The following HPSE variants were observed in gnomAD, a reference collection of about 807,000 sequenced individuals.
HPSE encodes the protein heparanase, also known as endo-glucoronidase.
HPSE carries 48 observed loss-of-function variants against 65.1 expected under a neutral mutation model. The observed-to-expected ratio is 0.74, with a 90% CI of 0.58 to 0.94. The LOEUF is 0.94. Ranked by LOEUF, HPSE falls within the 40% of genes least tolerant of loss-of-function variation. HPSE has a pLI of 0.00. For synonymous variants in HPSE, 243 were observed against 260.0 expected (o/e 0.93, Z 0.63); for missense variants, 644 against 637.5 (o/e 1.01, Z -0.11).
intron 1 of HPSE, among the ~76,000 whole-genome samples, chr4:83,325,877 CAGAGATAGA>C (rs1453797455): frequency 6.6e-6 from 1 of 152,058 alleles, no homozygotes; most frequent in Admixed American, 6.5e-5. Context: ...GTCCAAAGAC[CAGAGATAGA>C]AGAGAAGCTG....
At chr4:83,315,699 A>T (rs747126061) in intron 3 of HPSE, among the ~76,000 whole-genome samples, 1 of 152,222 alleles carries the variant, frequency 6.6e-6, no homozygotes, top group African/African-American at 2.4e-5. Context: ...ATATGGATCT[A>T]AAGTCCTGGG....
intron 7 of HPSE, 42 bp from the exon 8 acceptor site, chr4:83,308,993 G>T: frequency 6.5e-7 from 1 of 1,527,556 alleles, no homozygotes; most frequent in South Asian, 1.1e-5. Flanking sequence ...CAAAAAAGCT[G>T]ACCTGTGGTT....
In HPSE at chr4:83,322,294, C is replaced by T; in HGVS notation, c.298G>A (p.Asp100Asn). The change falls in exon 2 of 12, where the codon GAC becomes AAC. Residue 100 changes from aspartate (D) to asparagine (N), a missense_variant. Transcript: ENST00000311412. ...TTCTTGGGATCGAAAATTAGGAAGT[C>T]TGTCTTGGTGCCACCAAACCTCAGG... ...AYLRFGGTKT[D>N]FLIFDPKKES... The T allele has an allele frequency of 6.2e-7, 1 of 1,613,948 alleles. No homozygotes were observed. Among genetic ancestry groups the T allele is most frequent in the Non-Finnish European group, 8.5e-7 (1 of 1,179,864 alleles).
intron 4 of HPSE, among the ~76,000 whole-genome samples, chr4:83,311,902 T>A (rs1242093008): frequency 2.6e-5 from 4 of 152,184 alleles, no homozygotes; most frequent in African/African-American, 7.2e-5. Flanking sequence ...AAGCACTCTA[T>A]GTTTTGAATA....
chr4:83,319,448 A>T lies in HPSE; in HGVS notation c.395T>A (p.Ile132Asn). The T allele has an allele frequency of 6.2e-7, 1 of 1,612,748 alleles. No homozygotes were observed. Among genetic ancestry groups the T allele is most frequent in the Non-Finnish European group, 8.5e-7 (1 of 1,178,822 alleles). The change falls in exon 3 of 12, where the codon ATC becomes AAC. Residue 132 changes from isoleucine to asparagine, a missense_variant. Ile to Asn is a moderately radical substitution (Grantham distance 149). Coordinates refer to ENST00000311412, the MANE Select transcript of HPSE (RefSeq NM_001098540.3). ...TAACTTCTCCTCCACATCAGGAGGG[A>T]TGGATCCATATTTGCAAATATCTGC... Reference protein sequence around the residue: ...VNQDICKYGSIPPDVEEKLRL... With the variant: ...VNQDICKYGSNPPDVEEKLRL...
intron 3 of HPSE, among the ~76,000 whole-genome samples, chr4:83,318,330 A>T (rs1030338133): frequency 1.5e-4 from 23 of 152,116 alleles, no homozygotes; most frequent in African/African-American, 5.5e-4. Flanking sequence ...TTTCATAGTT[A>T]AAAAAGGATT....
At chr4:83,309,281 T>C (rs563802261) in intron 7 of HPSE, 121 bp downstream of exon 7, 2 of 635,208 alleles carry the variant, frequency 3.1e-6, no homozygotes, top group African/African-American at 1.9e-5. Context: ...GGATAAGTCA[T>C]AGTGCTTGTT....
chr4:83,319,695 G>A (rs995354749), intron 2 of HPSE, among the ~76,000 whole-genome samples: 1 of 152,030 alleles, frequency 6.6e-6, no homozygotes, highest in Non-Finnish European at 1.5e-5. Flanking sequence ...AAGAAATATT[G>A]AACATACACT....
Position 83,292,943 on chromosome 4 carries a change from G to A in HPSE, c.*2401C>T, listed in dbSNP as rs188176337. 2.0e-5 allele frequency: 3 copies of A among 152,258 alleles called. No homozygotes were observed. The East Asian group carries it at 5.8e-4, about 29-fold the overall frequency. The allele number at this position is 152,258 out of a possible 1,614,324, so 9.4% of individuals were successfully genotyped here. ...CACTCAGGTGACAAGTACATTAAAA[G>A]CCGAGTCTTCACCACTACACAATTC... On this transcript the variant is annotated 3_prime_UTR_variant, in exon 12 of 12. Coordinates refer to ENST00000311412, the MANE Select transcript of HPSE (RefSeq NM_001098540.3).
At chr4:83,329,692 G>A (rs1737291218) in intron 1 of HPSE, among the ~76,000 whole-genome samples, 1 of 152,102 alleles carries the variant, frequency 6.6e-6, no homozygotes, top group African/African-American at 2.4e-5. Context: ...TTCATGAGCT[G>A]GATAAGCTGG....
intron 4 of HPSE, 111 bp downstream of exon 4, chr4:83,313,003 C>G: frequency 1.5e-6 from 1 of 669,552 alleles, no homozygotes; most frequent in Non-Finnish European, 2.3e-6. Context: ...GCCTGGGCAG[C>G]AGTGCGAGAC....
At chr4:83,306,125 T>G in intron 9 of HPSE, 78 bp downstream of exon 9, 2 of 807,718 alleles carry the variant, frequency 2.5e-6, no homozygotes, top group Middle Eastern at 2.2e-4. Flanking sequence ...GACTGACTGT[T>G]CATAGGAGGT....
In HPSE at chr4:83,312,271, A is replaced by G. The variant is rs149531502; in HGVS notation, c.673+843T>C. Among the ~76,000 whole-genome samples, 601 of 152,322 alleles carry G rather than the reference A, an allele frequency of 3.9e-3. 5 individuals are homozygous for G. Among genetic ancestry groups the G allele is most frequent in the African/African-American group, 0.014 (576 of 41,578 alleles). The stretch of plus-strand genomic sequence containing the variant: ...AATGTAACATAAACTGGGATTAGCA[A>G]TAATAGGTTCTGGAATAAATACAGT... On this transcript the variant is annotated intron_variant, in intron 4 of 11. Transcript: ENST00000311412.
chr4:83,327,553 A>G (rs1483794263), intron 1 of HPSE, among the ~76,000 whole-genome samples: 1 of 152,262 alleles, frequency 6.6e-6, no homozygotes, highest in Non-Finnish European at 1.5e-5. Context: ...AGATGAATGC[A>G]TAAAAGAAGC....
intron 1 of HPSE, among the ~76,000 whole-genome samples, chr4:83,324,110 C>CTTTTT (rs1737033442): frequency 4.3e-5 from 4 of 92,344 alleles, no homozygotes; most frequent in Admixed American, 1.5e-4. Flanking sequence ...ACTTCTTCTT[C>CTTTTT]TTCTTTTTTT....
intron 11 of HPSE, among the ~76,000 whole-genome samples, chr4:83,296,194 T>C (rs192947000): frequency 6.6e-6 from 1 of 152,354 alleles, no homozygotes; most frequent in Admixed American, 6.5e-5. Flanking sequence ...TACATACTTA[T>C]TATTTAAATC....
intron 11 of HPSE, among the ~76,000 whole-genome samples, chr4:83,298,425 C>T (rs1480802603): frequency 1.3e-5 from 2 of 151,026 alleles, no homozygotes; most frequent in Non-Finnish European, 2.9e-5. Flanking sequence ...TTGCGTGAGT[C>T]CAGGAGTTCA....
chr4:83,323,100 A>C (rs367736860), intron 1 of HPSE, among the ~76,000 whole-genome samples: 1 of 152,128 alleles, frequency 6.6e-6, no homozygotes, highest in Non-Finnish European at 1.5e-5. Context: ...GTCTGTCTGA[A>C]AAATAGATCG....
intron 1 of HPSE, among the ~76,000 whole-genome samples, chr4:83,329,479 A>T (rs1373600666): frequency 6.6e-6 from 1 of 152,166 alleles, no homozygotes; most frequent in Non-Finnish European, 1.5e-5. Flanking sequence ...AAGTAGAGAG[A>T]GGAAGAAGCT....
Sources: gnomAD v4.1 joint callset for allele counts (sites outside exome capture counted in the v4.1 genomes callset) on GRCh38, gnomAD v4.1.1 for gene constraint, MANE v1.5 for transcripts, NCBI Gene and HGNC (gene_info 2026-07-23, HGNC 2026-07-21) for gene names.